LCA5L: variants seen among roughly 807,000 people sequenced by gnomAD.
LCA5L encodes lebercilin LCA5 like.
LCA5L carries 35 observed loss-of-function variants against 45.4 expected under a neutral mutation model. The ratio of observed to expected loss-of-function variants is 0.77; its 90% confidence interval spans 0.59 to 1.02. LCA5L has a LOEUF of 1.02. Among genes scored for constraint, LCA5L ranks in the 50% least tolerant of loss-of-function variants. The pLI, the probability that LCA5L is intolerant of heterozygous loss-of-function variation, is 0.00. For synonymous variants in LCA5L, 233 were observed against 264.7 expected, an observed-to-expected ratio of 0.88 and a Z score of 1.16; for missense variants, 668 against 761.6, an observed-to-expected ratio of 0.88 and a Z score of 1.45.
At chr21:39,444,744 G>C (rs1376342594) in intron 1 of LCA5L, 1 of 152,244 alleles carries the variant, frequency 6.6e-6, no homozygotes, top group African/African-American at 2.4e-5. Context: ...AGTGCTGACA[G>C]ACTGAAGGTG....
intron 7 of LCA5L, among the ~76,000 whole-genome samples, chr21:39,417,619 T>C (rs567863795): frequency 6.6e-6 from 1 of 152,162 alleles, no homozygotes; most frequent in African/African-American, 2.4e-5. Flanking sequence ...GGGACAGAGG[T>C]TTAATGGACT....
Position 39,428,256 on chromosome 21 carries a change from T to A in LCA5L, c.238A>T (p.Ile80Phe), listed in dbSNP as rs765204856. 6.2e-7 allele frequency: 1 copy of A among 1,604,426 alleles called. No individual in the cohort carries two copies. The highest frequency in any genetic ancestry group is 8.5e-7 in the Non-Finnish European group (1 of 1,171,296). The change falls in exon 5 of 11, where the codon ATT (isoleucine) becomes TTT (phenylalanine). Residue 80 changes from isoleucine to phenylalanine, a missense_variant. Coordinates refer to ENST00000288350, the MANE Select transcript of LCA5L (RefSeq NM_152505.4). ...GGCTGCTTTAAATAATTTCTATTAA[T>A]AGCCTTTTCTGAACAATCACAGAGA... Reference protein sequence around the residue: ...DFLCDCSEKAINRNYLKQPVV... With the variant: ...DFLCDCSEKAFNRNYLKQPVV...
At chr21:39,427,013 T>C (rs2837025) in intron 5 of LCA5L, among the ~76,000 whole-genome samples, 35,942 of 152,218 alleles carry the variant, frequency 0.24, 4,871 homozygotes, top group African/African-American at 0.37. Context: ...AGAATCCCTG[T>C]GCTATAGCAG....
intron 7 of LCA5L, among the ~76,000 whole-genome samples, chr21:39,413,323 G>A (rs991265271): frequency 1.3e-5 from 2 of 152,182 alleles, no homozygotes; most frequent in Non-Finnish European, 2.9e-5. Context: ...AAGTCTGCAA[G>A]TCTAAGAGAC....
At chr21:39,444,364 G>A (rs2077198406) in intron 1 of LCA5L, among the ~76,000 whole-genome samples, 163 bp from the exon 2 acceptor site, 1 of 152,126 alleles carries the variant, frequency 6.6e-6, no homozygotes, top group Admixed American at 6.5e-5. Flanking sequence ...CAAAGCTAAG[G>A]GGTGTCTTTA....
At chr21:39,414,574 G>A (rs2040704631) in intron 7 of LCA5L, among the ~76,000 whole-genome samples, 1 of 152,060 alleles carries the variant, frequency 6.6e-6, no homozygotes, top group South Asian at 2.1e-4. Flanking sequence ...CAACAACCTC[G>A]TGACTCGCTA....
At position 39,418,990 on chromosome 21, in the gene LCA5L, C is replaced by A. The variant is rs867308520; in HGVS notation, c.975+1716G>T. On this transcript the variant is annotated intron_variant, in intron 7 of 10. Coordinates refer to ENST00000288350, the MANE Select transcript of LCA5L (RefSeq NM_152505.4). The stretch of plus-strand genomic sequence containing the variant: ...TAGCCATGCCTATGTTCTATGTATT[C>A]TTTTTGAAGTTTCCTGGAACTCCAC... Among the ~76,000 whole-genome samples the A allele has an allele frequency of 2.6e-5, 4 of 152,078 alleles. No individual in the cohort carries two copies. In the South Asian group the frequency reaches 6.2e-4, roughly 24 times the overall value.
intron 7 of LCA5L, among the ~76,000 whole-genome samples, chr21:39,415,890 G>A (rs2837016): frequency 0.73 from 111,308 of 151,968 alleles, 40,928 homozygotes; most frequent in Admixed American, 0.78. Context: ...TCTTTTTTCA[G>A]TTGGTAGGTA....
chr21:39,418,109 T>C (rs1474355681), intron 7 of LCA5L, among the ~76,000 whole-genome samples: 2 of 152,162 alleles, frequency 1.3e-5, no homozygotes, highest in East Asian at 1.9e-4. Context: ...ATGAGACTTA[T>C]TCACTATCAC....
At chr21:39,437,722 A>G (rs2076420960) in intron 2 of LCA5L, among the ~76,000 whole-genome samples, 1 of 152,140 alleles carries the variant, frequency 6.6e-6, no homozygotes, top group Non-Finnish European at 1.5e-5. Flanking sequence ...AAAGTGCTGG[A>G]ATTATAGGTG....
At chr21:39,420,244 A>G (rs1296471975) in intron 7 of LCA5L, among the ~76,000 whole-genome samples, 3 of 152,242 alleles carry the variant, frequency 2.0e-5, no homozygotes, top group East Asian at 3.9e-4. Flanking sequence ...AATTTAGGCC[A>G]GGTGCGGTGG....
At position 39,427,400 on chromosome 21, in the gene LCA5L, C is replaced by T. The variant is rs572303452; in HGVS notation, c.322+772G>A. On this transcript the variant is annotated intron_variant, in intron 5 of 10. Transcript: ENST00000288350. ...ACAAAGAGCCGGGCGCGGTGGCTCA[C>T]GCCTGTAATCCCAGCACTTTGGGAG... Among the ~76,000 whole-genome samples the T allele has an allele frequency of 2.0e-3, 312 of 152,200 alleles. 3 individuals are homozygous for T. Among genetic ancestry groups the T allele is most frequent in the Admixed American group, 2.6e-3 (39 of 15,290 alleles).
Position 39,411,709 on chromosome 21 carries a change from A to G in LCA5L, c.1060+9T>C. The G allele has an allele frequency of 7.4e-7, 1 of 1,360,400 alleles. No individual in the cohort carries two copies. Among genetic ancestry groups the G allele is most frequent in the South Asian group, 1.5e-5 (1 of 68,572 alleles). The allele number at this position is 1,360,400 out of a possible 1,614,324, so 84.3% of individuals were successfully genotyped here. A position where few individuals can be genotyped will look rare whatever the true frequency, so the allele number is the denominator to read the frequency against. On this transcript the variant is annotated intron_variant, in intron 8 of 10. Coordinates refer to ENST00000288350, the MANE Select transcript of LCA5L (RefSeq NM_152505.4). ...AAATAGATTTTGAGCAAAAGTAATT[A>G]AAACATACCTTTTGGATAGTCCTCT...
At chr21:39,416,765 C>T (rs2041244611) in intron 7 of LCA5L, among the ~76,000 whole-genome samples, 1 of 152,140 alleles carries the variant, frequency 6.6e-6, no homozygotes, top group Non-Finnish European at 1.5e-5. Context: ...AAAACAACAA[C>T]ATCAACATCA....
chr21:39,419,380 CTGGGTATGG>C (rs1440004798), intron 7 of LCA5L, among the ~76,000 whole-genome samples: 2 of 151,968 alleles, frequency 1.3e-5, no homozygotes. Context: ...TAAAAATTAG[CTGGGTATGG>C]TGGCATGTAC....
rs1169807434 is a variant in LCA5L, at chr21:39,423,370, A to C, written c.443T>G (p.Leu148Arg). 6.2e-7 allele frequency: 1 copy of C among 1,612,344 alleles called. No homozygotes were observed. Among genetic ancestry groups the C allele is most frequent in the Non-Finnish European group, 8.5e-7 (1 of 1,179,858 alleles). The change falls in exon 6 of 11, where the codon CTT (leucine) becomes CGT (arginine). Residue 148 changes from leucine (L) to arginine (R), a missense_variant. Physicochemically the swap from Leu to Arg is moderately radical, Grantham distance 102. Coordinates refer to ENST00000288350, the MANE Select transcript of LCA5L (RefSeq NM_152505.4). Reference protein sequence around the residue: ...AMAHRILSARLHKIKGLKNEL... With the variant: ...AMAHRILSARRHKIKGLKNEL... ...ATTTTTTAGTCCTTTAATTTTATGA[A>C]GCCTTGCTGAGAGTATTCGATGAGC...
intron 7 of LCA5L, among the ~76,000 whole-genome samples, chr21:39,419,988 T>C (rs1601807886): frequency 6.6e-6 from 1 of 152,314 alleles, no homozygotes; most frequent in Admixed American, 6.5e-5. Flanking sequence ...TCATTAAAAT[T>C]TATCTTAAAT....
In LCA5L at chr21:39,406,582, ACT is replaced by A. The variant is rs756599995; in HGVS notation, c.1311_1312del (p.Glu437AspfsTer37). ...TCCAGTATTCTCCAGCAGTATTTGG[ACT>A]TCCAAATGTTTCTCTTCCCCTGATA... is the stretch of plus-strand genomic sequence containing the variant. On this transcript the variant is annotated frameshift_variant, in exon 11 of 11. Transcript: ENST00000288350. LOFTEE classifies it low-confidence loss of function (END_TRUNC). 1.9e-5 allele frequency: 31 copies of A among 1,593,380 alleles called. No homozygotes were observed. The highest frequency in any genetic ancestry group is 2.6e-5 in the Non-Finnish European group (31 of 1,172,824).
Position 39,406,079 on chromosome 21 carries a change from C to G in LCA5L, c.1816G>C (p.Gly606Arg). The G allele has an allele frequency of 6.2e-7, 1 of 1,614,202 alleles. No individual in the cohort carries two copies. The highest frequency in any genetic ancestry group is 8.5e-7 in the Non-Finnish European group (1 of 1,180,038). ...GATTGGTCAGTTTTCAAGACATAGC[C>G]TGATCCAAAGAGTTCTTCCATGAGA... ...SSLMEELFGS[G>R]YVLKTDQSSP... Residue 606 changes from glycine (G) to arginine (R), a missense_variant, in exon 11 of 11, where the codon GGC becomes CGC. Coordinates refer to ENST00000288350, the MANE Select transcript of LCA5L (RefSeq NM_152505.4).
Sources: gnomAD v4.1 joint callset for allele counts (sites outside exome capture counted in the v4.1 genomes callset) on GRCh38, gnomAD v4.1.1 for gene constraint, MANE v1.5 for transcripts, NCBI Gene and HGNC (gene_info 2026-07-23, HGNC 2026-07-21) for gene names.